The following ANKRD17 variants were observed in gnomAD, a reference collection of about 807,000 sequenced individuals.
ANKRD17 encodes the protein ankyrin repeat domain 17.
ANKRD17 carries 19 observed loss-of-function variants against 229.7 expected under a neutral mutation model. The observed-to-expected ratio is 0.08, with a 90% CI of 0.06 to 0.12. ANKRD17 has a LOEUF of 0.12. Ranked by LOEUF, ANKRD17 falls within the 10% of genes least tolerant of loss-of-function variation. The pLI, the probability that ANKRD17 is intolerant of heterozygous loss-of-function variation, is 1.00. For missense variants in ANKRD17, 2,176 were observed against 3,176.8 expected (o/e 0.68, Z 7.57); for synonymous variants, 1,112 against 1,146.1 (o/e 0.97, Z 0.60).
At chr4:73,100,021 T>C (rs1468523408) in intron 25 of ANKRD17, among the ~76,000 whole-genome samples, 1 of 152,164 alleles carries the variant, frequency 6.6e-6, no homozygotes, top group African/African-American at 2.4e-5. Context: ...GAGCTCACCC[T>C]GCCTGCTCCC....
intron 8 of ANKRD17, 48 bp downstream of exon 8, chr4:73,148,765 C>T (rs1400818888): frequency 2.0e-6 from 3 of 1,522,452 alleles, no homozygotes; most frequent in African/African-American, 1.4e-5. Flanking sequence ...AAATTATACT[C>T]TTAGGTTTTA....
chr4:73,192,253 C>T (rs1737219840), intron 1 of ANKRD17, among the ~76,000 whole-genome samples: 1 of 151,922 alleles, frequency 6.6e-6, no homozygotes. Flanking sequence ...GTGCCTTAAA[C>T]ATTAACTACT....
rs765835158 is a variant in ANKRD17 at position 73,091,346 on chromosome 4, G to C, written c.6282C>G (p.Asn2094Lys). 2 of 1,613,998 alleles carry C rather than the reference G, an allele frequency of 1.2e-6. No homozygotes were observed. The highest frequency in any genetic ancestry group is 2.7e-5 in the African/African-American group (2 of 74,938). Residue 2094 changes from asparagine to lysine, a missense_variant, in exon 29 of 34, where the codon AAC becomes AAG. Asn to Lys is a moderately conservative substitution (Grantham distance 94). Coordinates refer to ENST00000358602, the MANE Select transcript of ANKRD17 (RefSeq NM_032217.5). ...VVETTNTRPP[N>K]SSSSSGSSSA... is the part of the protein sequence containing the mutation. Reference sequence around the variant, plus strand: ...ATGAACTCCCAGAAGAACTGCTGCTGTTTGGAGGTCTAGTGTTTGTTGTTT... The same window carrying C: ...ATGAACTCCCAGAAGAACTGCTGCTCTTTGGAGGTCTAGTGTTTGTTGTTT...
At chr4:73,131,402 A>G (rs1173687334) in intron 16 of ANKRD17, among the ~76,000 whole-genome samples, 1 of 152,260 alleles carries the variant, frequency 6.6e-6, no homozygotes, top group Non-Finnish European at 1.5e-5. Context: ...ATTTTCCAGA[A>G]TCATTAGCAT....
chr4:73,098,048 A>T (rs772791115), intron 26 of ANKRD17, 25 bp downstream of exon 26: 5 of 1,556,860 alleles, frequency 3.2e-6, no homozygotes, highest in Non-Finnish European at 4.4e-6. Context: ...CACTATAAAT[A>T]TTGAAAATAA....
chr4:73,076,358 TA>T, intron 33 of ANKRD17, 68 bp from the exon 34 acceptor site: 1 of 1,262,678 alleles, frequency 7.9e-7, no homozygotes, highest in Non-Finnish European at 1.1e-6. Flanking sequence ...ATAAAACTTT[TA>T]AAAAACTAAG....
intron 1 of ANKRD17, among the ~76,000 whole-genome samples, chr4:73,231,507 ATTAT>A (rs1335809988): frequency 2.0e-5 from 3 of 152,194 alleles, no homozygotes; most frequent in Admixed American, 6.5e-5. Flanking sequence ...CCTGCAAGCA[ATTAT>A]TTAAAGATGT....
intron 2 of ANKRD17, among the ~76,000 whole-genome samples, chr4:73,168,688 T>C (rs554106489): frequency 1.3e-5 from 2 of 152,316 alleles, no homozygotes; most frequent in East Asian, 1.9e-4. Context: ...GGGAGAAATA[T>C]AGCGTTAGCC....
intron 1 of ANKRD17, among the ~76,000 whole-genome samples, chr4:73,181,678 G>GA (rs1010695681): frequency 1.3e-5 from 2 of 151,546 alleles, no homozygotes; most frequent in African/African-American, 2.4e-5. Flanking sequence ...TTATTCTACA[G>GA]AAAAAAAATC....
At chr4:73,193,297 T>C (rs963399429) in intron 1 of ANKRD17, among the ~76,000 whole-genome samples, 2 of 152,252 alleles carry the variant, frequency 1.3e-5, no homozygotes, top group Admixed American at 6.5e-5. Flanking sequence ...TCACAATTTG[T>C]TTGGTTATTC....
At chr4:73,243,400 G>A (rs952313590) in intron 1 of ANKRD17, among the ~76,000 whole-genome samples, 3 of 152,204 alleles carry the variant, frequency 2.0e-5, no homozygotes, top group African/African-American at 7.2e-5. Flanking sequence ...TAAGGCGATG[G>A]TAGTGGAGAA....
At position 73,090,796 on chromosome 4, in the gene ANKRD17, A is replaced by G; in HGVS notation, c.6832T>C (p.Ser2278Pro). ...CCTGATAGCATAGATTCTGGTGTTG[A>G]CTGAGATGAAACAACAGATCCTCCC... ...FWGGSVVSSQ[S>P]TPESMLSGKS... The change falls in exon 29 of 34, where the codon TCA becomes CCA. Residue 2278 changes from serine (S) to proline (P), a missense_variant. Physicochemically the swap from Ser to Pro is moderately conservative, Grantham distance 74. Transcript: ENST00000358602. The G allele has an allele frequency of 1.2e-6, 2 of 1,614,212 alleles. No individual in the cohort carries two copies. Among genetic ancestry groups the G allele is most frequent in the Non-Finnish European group, 1.7e-6 (2 of 1,180,040 alleles).
chr4:73,086,824 G>C (rs1180796002), intron 29 of ANKRD17, among the ~76,000 whole-genome samples: 1 of 141,526 alleles, frequency 7.1e-6, no homozygotes, highest in Non-Finnish European at 1.5e-5. Flanking sequence ...CTTGAACCTG[G>C]GAGGCGGAGG....
At chr4:73,177,669 C>T in intron 1 of ANKRD17, 136 bp from the exon 2 acceptor site, 1 of 612,666 alleles carries the variant, frequency 1.6e-6, no homozygotes, top group East Asian at 2.8e-5. Context: ...CAGTGCAACC[C>T]TAAAAAGTTC....
intron 1 of ANKRD17, among the ~76,000 whole-genome samples, chr4:73,215,839 T>C (rs1397932754): frequency 2.0e-5 from 3 of 152,202 alleles, no homozygotes; most frequent in Non-Finnish European, 2.9e-5. Context: ...TTTTTTATCC[T>C]CCTAACAATG....
chr4:73,079,558 T>TA (rs34559248), intron 30 of ANKRD17, among the ~76,000 whole-genome samples: 22 of 146,756 alleles, frequency 1.5e-4, no homozygotes, highest in South Asian at 6.5e-4. Flanking sequence ...ATGTCCAGTT[T>TA]AAAAAAAAAA....
Position 73,171,794 on chromosome 4 carries a change from C to T in ANKRD17, c.547+5586G>A, listed in dbSNP as rs189674339. ...GACACAGTGAAGAATGCATCAGAGT[C>T]TCTTAATAGCAGAATTGATCAAGCG... On this transcript the variant is annotated intron_variant, in intron 2 of 33. Coordinates refer to ENST00000358602, the MANE Select transcript of ANKRD17 (RefSeq NM_032217.5). Among the ~76,000 whole-genome samples the T allele has an allele frequency of 3.2e-3, 490 of 152,156 alleles. 1 individual carries two copies. Among genetic ancestry groups the T allele is most frequent in the Non-Finnish European group, 5.1e-3 (347 of 67,996 alleles).
chr4:73,152,621 T>C (rs981349352), intron 6 of ANKRD17, among the ~76,000 whole-genome samples: 4 of 152,106 alleles, frequency 2.6e-5, no homozygotes, highest in African/African-American at 7.2e-5. Flanking sequence ...AGGGTGGGGC[T>C]ACAAGCAAAG....
chr4:73,121,659 A>G lies in ANKRD17; in HGVS notation c.3593T>C (p.Ile1198Thr), dbSNP rs1297323040. The change falls in exon 19 of 34, where the codon ATC (isoleucine) becomes ACC (threonine). Residue 1198 changes from isoleucine to threonine, a missense_variant. Coordinates refer to ENST00000358602, the MANE Select transcript of ANKRD17 (RefSeq NM_032217.5). ...SLAASGGYVN[I>T]IKILLNAGAE... is the part of the protein sequence containing the mutation. ...TCCTGCATTTAGTAATATTTTGATG[A>G]TGTTCACATAGCCACCAGAAGCAGC... 6.2e-7 allele frequency: 1 copy of G among 1,613,686 alleles called. No homozygotes were observed. Among genetic ancestry groups the G allele is most frequent in the Non-Finnish European group, 8.5e-7 (1 of 1,179,820 alleles).
Sources: gnomAD v4.1 joint callset for allele counts (sites outside exome capture counted in the v4.1 genomes callset) on GRCh38, gnomAD v4.1.1 for gene constraint, MANE v1.5 for transcripts, NCBI Gene and HGNC (gene_info 2026-07-23, HGNC 2026-07-21) for gene names.